The following FSTL5 variants were observed in gnomAD, a reference collection of about 807,000 sequenced individuals.
The protein encoded by FSTL5 is follistatin-related protein 5.
In FSTL5, 62 loss-of-function variants were observed where a neutral mutation model predicts 89.1. The ratio of observed to expected loss-of-function variants is 0.70; its 90% CI spans 0.57 to 0.86. The LOEUF is 0.86. Ranked by LOEUF, FSTL5 falls within the 40% of genes least tolerant of loss-of-function variation. FSTL5 has a pLI of 0.00. For missense variants in FSTL5, 1,057 were observed against 1,001.6 expected (o/e 1.06, Z -0.75); for synonymous variants, 383 against 346.2 (o/e 1.11, Z -1.18).
At chr4:161,629,320 A>G (rs1180604312) in intron 7 of FSTL5, among the ~76,000 whole-genome samples, 1 of 152,152 alleles carries the variant, frequency 6.6e-6, no homozygotes. Flanking sequence ...ACAAAATGAA[A>G]ATCAATGAAG....
chr4:161,704,389 T>G (rs12650820), intron 6 of FSTL5, among the ~76,000 whole-genome samples: 81,816 of 151,958 alleles, frequency 0.54, 25,617 homozygotes, highest in East Asian at 0.69. Flanking sequence ...GACCTCTTGA[T>G]GCTGTATCAC....
intron 12 of FSTL5, among the ~76,000 whole-genome samples, chr4:161,498,244 A>G (rs1227695494): frequency 6.6e-6 from 1 of 152,032 alleles, no homozygotes. Context: ...AGCTTTAAAG[A>G]GAGAGAAATG....
intron 3 of FSTL5, among the ~76,000 whole-genome samples, chr4:161,942,969 C>T (rs1041436187): frequency 1.3e-5 from 2 of 152,064 alleles, no homozygotes; most frequent in African/African-American, 4.8e-5. Context: ...TAAGCCAATT[C>T]GGCAAAGCTG....
intron 1 of FSTL5, among the ~76,000 whole-genome samples, chr4:162,141,726 AT>A (rs1732754676): frequency 6.6e-6 from 1 of 152,112 alleles, no homozygotes; most frequent in Non-Finnish European, 1.5e-5. Context: ...TGTGATACTT[AT>A]GTTTGAGGGG....
chr4:161,618,021 C>G (rs1734960367), intron 7 of FSTL5, among the ~76,000 whole-genome samples: 1 of 152,028 alleles, frequency 6.6e-6, no homozygotes. Flanking sequence ...TGTAGTTCTC[C>G]TTGAAGAGGT....
intron 1 of FSTL5, among the ~76,000 whole-genome samples, chr4:162,132,829 T>C (rs1240709976): frequency 6.6e-6 from 1 of 152,228 alleles, no homozygotes; most frequent in African/African-American, 2.4e-5. Context: ...ATTGTCAGCC[T>C]GGAAACTATA....
At chr4:161,617,549 A>C (rs1734943335) in intron 7 of FSTL5, among the ~76,000 whole-genome samples, 2 of 152,186 alleles carry the variant, frequency 1.3e-5, no homozygotes, top group Admixed American at 1.3e-4. Context: ...AAACAGTAAG[A>C]AAATCATACC....
chr4:161,407,803 A>G (rs12639796), intron 15 of FSTL5, among the ~76,000 whole-genome samples: 7,208 of 152,262 alleles, frequency 0.047, 432 homozygotes, highest in East Asian at 0.19. Flanking sequence ...GAACATGTAT[A>G]TAGTGCAGCC....
chr4:162,147,719 A>G (rs1052848610), intron 1 of FSTL5, among the ~76,000 whole-genome samples: 4 of 152,178 alleles, frequency 2.6e-5, no homozygotes, highest in African/African-American at 9.6e-5. Flanking sequence ...GTATCTATAA[A>G]ATTAATGTTT....
chr4:162,010,840 A>G (rs142569808), intron 3 of FSTL5, among the ~76,000 whole-genome samples: 1,555 of 152,334 alleles, frequency 0.01, 14 homozygotes, highest in Middle Eastern at 0.02. Flanking sequence ...ACTATTCACC[A>G]GTTGACAAAC....
At chr4:162,152,726 T>A (rs1410001839) in intron 1 of FSTL5, among the ~76,000 whole-genome samples, 1 of 152,108 alleles carries the variant, frequency 6.6e-6, no homozygotes, top group East Asian at 1.9e-4. Flanking sequence ...TTTAGAGAAC[T>A]TAAATTTTCT....
At position 162,104,591 on chromosome 4, in the gene FSTL5, T is replaced by C. The variant is rs2101215; in HGVS notation, c.126+6680A>G. Among the ~76,000 whole-genome samples the C allele has an allele frequency of 4.8e-3, 729 of 152,332 alleles. 15 individuals carry two copies. Among genetic ancestry groups the C allele is most frequent in the Admixed American group, 0.039 (597 of 15,302 alleles). On this transcript the variant is annotated intron_variant, in intron 2 of 15. Transcript: ENST00000306100. ...TCTTCTCGTGTAACATACTCTATGG[T>C]GTGCACTAGTGTAACCTGCATTGCC...
At chr4:161,992,942 GTGTGTATATC>G (rs1736175785) in intron 3 of FSTL5, among the ~76,000 whole-genome samples, 2 of 4,020 alleles carry the variant, frequency 5.0e-4, no homozygotes, top group African/African-American at 6.4e-4. Flanking sequence ...ATATATATAT[GTGTGTATATC>G]TATATATATA....
chr4:161,949,623 T>C (rs1024088335), intron 3 of FSTL5, among the ~76,000 whole-genome samples: 3 of 152,010 alleles, frequency 2.0e-5, no homozygotes, highest in Non-Finnish European at 4.4e-5. Flanking sequence ...CATTTCTTAT[T>C]GTTCTGCAGA....
At chr4:161,913,946 A>G (rs560281952) in intron 4 of FSTL5, among the ~76,000 whole-genome samples, 1 of 152,184 alleles carries the variant, frequency 6.6e-6, no homozygotes, top group African/African-American at 2.4e-5. Context: ...TGGACTGTGG[A>G]CTTTTGGGTT....
intron 7 of FSTL5, among the ~76,000 whole-genome samples, chr4:161,606,209 C>G (rs1490773197): frequency 6.6e-6 from 1 of 150,856 alleles, no homozygotes; most frequent in Non-Finnish European, 1.5e-5. Context: ...AAGCTGACCC[C>G]CAAATTTTCC....
chr4:161,552,603 A>C (rs534145286), intron 8 of FSTL5: 1 of 151,920 alleles, frequency 6.6e-6, no homozygotes, highest in African/African-American at 2.4e-5. Flanking sequence ...AAAGAAAACT[A>C]GTGAATAATA....
At chr4:161,658,089 T>C (rs935016265) in intron 6 of FSTL5, among the ~76,000 whole-genome samples, 2 of 152,158 alleles carry the variant, frequency 1.3e-5, no homozygotes, top group African/African-American at 4.8e-5. Flanking sequence ...ACAAACATCT[T>C]GTCCATTTCT....
intron 10 of FSTL5, among the ~76,000 whole-genome samples, chr4:161,518,085 T>G (rs1730904258): frequency 6.6e-6 from 1 of 152,206 alleles, no homozygotes; most frequent in Non-Finnish European, 1.5e-5. Context: ...ATATGCCAAA[T>G]TTAAAGCCAC....
Sources: gnomAD v4.1 joint callset for allele counts (sites outside exome capture counted in the v4.1 genomes callset) on GRCh38, gnomAD v4.1.1 for gene constraint, MANE v1.5 for transcripts, NCBI Gene and HGNC (gene_info 2026-07-23, HGNC 2026-07-21) for gene names.